Variants in AKAP12 observed in about 807,000 individuals in gnomAD.
AKAP12 encodes the protein A-kinase anchoring protein 12, also known as A-kinase anchor protein 12.
In AKAP12, 32 loss-of-function variants were observed where a neutral mutation model predicts 79.9. The ratio of observed to expected loss-of-function variants is 0.40; its 90% CI spans 0.30 to 0.54. The LOEUF (loss-of-function observed/expected upper bound fraction) is 0.54. AKAP12 is among the 20% of genes least tolerant of loss of function. The pLI, the probability that AKAP12 is intolerant of heterozygous loss-of-function variation, is 0.48. For synonymous variants in AKAP12, 808 were observed against 857.0 expected, an observed-to-expected ratio of 0.94 and a Z score of 1.00; for missense variants, 2,074 against 2,177.0, an observed-to-expected ratio of 0.95 and a Z score of 0.94.
intron 2 of AKAP12, among the ~76,000 whole-genome samples, chr6:151,250,518 A>AATAC (rs1797153092): frequency 6.6e-6 from 1 of 151,728 alleles, no homozygotes; most frequent in Admixed American, 6.6e-5. Flanking sequence ...TAAATAAATA[A>AATAC]ATAAAATAAG....
intron 3 of AKAP12, among the ~76,000 whole-genome samples, chr6:151,310,936 A>G (rs1205327719): frequency 6.6e-6 from 1 of 152,178 alleles, no homozygotes; most frequent in African/African-American, 2.4e-5. Flanking sequence ...TGTTTCTGTG[A>G]GCAAACAGAC....
intron 3 of AKAP12, 92 bp downstream of exon 3, chr6:151,305,995 G>T: frequency 2.2e-6 from 3 of 1,362,788 alleles, no homozygotes; most frequent in Non-Finnish European, 3.0e-6. Flanking sequence ...GCCTGGTGGT[G>T]GATTGGTGTT....
chr6:151,248,333 A>C (rs1329224220), intron 2 of AKAP12, among the ~76,000 whole-genome samples: 1 of 148,142 alleles, frequency 6.8e-6, no homozygotes, highest in Non-Finnish European at 1.5e-5. Flanking sequence ...GAACTCCCGG[A>C]CTCAGGCCAT....
chr6:151,247,492 C>T (rs893985784), intron 2 of AKAP12, among the ~76,000 whole-genome samples: 35 of 152,196 alleles, frequency 2.3e-4, no homozygotes, highest in South Asian at 2.1e-4. Flanking sequence ...AGAATAAAAA[C>T]GCAGCTGAGG....
intron 2 of AKAP12, among the ~76,000 whole-genome samples, chr6:151,282,615 C>T (rs560243670): frequency 1.7e-4 from 26 of 152,086 alleles, no homozygotes; most frequent in Non-Finnish European, 3.2e-4. Context: ...TTGGTTGCTG[C>T]GGGGGAAGGA....
intron 2 of AKAP12, among the ~76,000 whole-genome samples, chr6:151,284,209 T>C (rs9397385): frequency 0.46 from 69,667 of 152,006 alleles, 17,032 homozygotes; most frequent in East Asian, 0.78. Context: ...CACAGATCAG[T>C]GTCACACATC....
chr6:151,339,240 GA>G (rs1412581147), intron 3 of AKAP12, among the ~76,000 whole-genome samples: 1 of 152,138 alleles, frequency 6.6e-6, no homozygotes, highest in African/African-American at 2.4e-5. Flanking sequence ...ATGATTTATG[GA>G]AAATAAGAAT....
intron 3 of AKAP12, among the ~76,000 whole-genome samples, chr6:151,308,830 C>A (rs1562731765): frequency 6.6e-6 from 1 of 152,118 alleles, no homozygotes. Flanking sequence ...TATTAAACAG[C>A]ATTTTTCCGT....
chr6:151,258,824 C>T (rs1266132036), intron 2 of AKAP12, among the ~76,000 whole-genome samples: 1 of 151,592 alleles, frequency 6.6e-6, no homozygotes, highest in Admixed American at 6.6e-5. Flanking sequence ...GACAGGGTTT[C>T]ACCATGTTAG....
chr6:151,324,360 A>T, intron 3 of AKAP12: 1 of 985,410 alleles, frequency 1.0e-6, no homozygotes, highest in Non-Finnish European at 1.2e-6. Flanking sequence ...TCTGGTTACC[A>T]GCAAGGAAGC....
chr6:151,290,939 C>A (rs1368144165), intron 2 of AKAP12, among the ~76,000 whole-genome samples: 1 of 152,164 alleles, frequency 6.6e-6, no homozygotes, highest in East Asian at 1.9e-4. Flanking sequence ...CTCACCCTCT[C>A]CCCTACTAAA....
intron 2 of AKAP12, among the ~76,000 whole-genome samples, chr6:151,274,095 A>G (rs543880933): frequency 6.7e-6 from 1 of 148,548 alleles, no homozygotes; most frequent in African/African-American, 2.5e-5. Context: ...TTTTTGAGAC[A>G]GGATCTTGCT....
In AKAP12 at chr6:151,350,664, C is replaced by G. The variant is rs770803052; in HGVS notation, c.2273C>G (p.Thr758Ser). Residue 758 changes from threonine to serine, a missense_variant, in exon 4 of 5, where the codon ACC becomes AGC. Around this residue, in one of 3 missense-constraint regions of AKAP12, gnomAD observed 1,428 missense variants for 1,451.0 expected, o/e 0.98. Transcript: ENST00000402676. The surrounding 1 kb of genome is among the most constrained non-coding windows in gnomAD (Gnocchi z 4.8). ...GSPTEGEGVS[T>S]WESFKRLVTP... The stretch of plus-strand genomic sequence containing the variant: ...CCTACCGAAGGGGAGGGCGTTTCCA[C>G]CTGGGAGTCATTTAAAAGGTTAGTC... 3 of 1,613,886 alleles carry G rather than the reference C, an allele frequency of 1.9e-6. No individual in the cohort carries two copies. Among genetic ancestry groups the G allele is most frequent in the Admixed American group, 3.3e-5 (2 of 59,960 alleles).
chr6:151,257,451 C>G (rs953994876), intron 2 of AKAP12, among the ~76,000 whole-genome samples: 1 of 152,144 alleles, frequency 6.6e-6, no homozygotes, highest in Non-Finnish European at 1.5e-5. Context: ...TGTGCACCAC[C>G]ACGCCTGGCT....
chr6:151,293,077 T>C (rs188323986), intron 2 of AKAP12, among the ~76,000 whole-genome samples: 49 of 152,364 alleles, frequency 3.2e-4, no homozygotes, highest in Non-Finnish European at 1.5e-5. Flanking sequence ...TCTGTTGAAA[T>C]TGTTTATCTC....
chr6:151,261,701 A>G (rs940394169), intron 2 of AKAP12, among the ~76,000 whole-genome samples: 1 of 151,546 alleles, frequency 6.6e-6, no homozygotes, highest in African/African-American at 2.4e-5. Flanking sequence ...CTCCATCTCA[A>G]AAACAAACAA....
Position 151,244,941 on chromosome 6 carries a change from T to A in AKAP12, c.162+4217T>A, listed in dbSNP as rs77389820. 4.5e-3 allele frequency among the ~76,000 whole-genome samples: 693 copies of A among 152,338 alleles called. 11 individuals carry two copies. Among genetic ancestry groups the A allele is most frequent in the East Asian group, 0.031 (163 of 5,178 alleles). Reference sequence around the variant, plus strand: ...ATGAATAAGATAAGTGGAGATTTTCTCTTGAAATATTTCCTTCTATGAAGA... The same window carrying A: ...ATGAATAAGATAAGTGGAGATTTTCACTTGAAATATTTCCTTCTATGAAGA... On this transcript the variant is annotated intron_variant, in intron 2 of 4. Coordinates refer to ENST00000402676, the MANE Select transcript of AKAP12 (RefSeq NM_005100.4).
intron 2 of AKAP12, among the ~76,000 whole-genome samples, chr6:151,282,130 C>T (rs1408358406): frequency 6.6e-6 from 1 of 152,018 alleles, no homozygotes; most frequent in African/African-American, 2.4e-5. Context: ...GTCGCCCAGG[C>T]TGGAATGCAG....
intron 3 of AKAP12, among the ~76,000 whole-genome samples, chr6:151,312,793 CAAAAAAA>C (rs55685824): frequency 6.8e-5 from 5 of 72,998 alleles, no homozygotes; most frequent in African/African-American, 1.7e-4. Context: ...ACTCTGTCTC[CAAAAAAA>C]AAAAAAAAAA....
Sources: gnomAD v4.1 joint callset for allele counts (sites outside exome capture counted in the v4.1 genomes callset) on GRCh38, gnomAD v4.1.1 for gene constraint, gnomAD v4.1.1 regional missense constraint, Gnocchi (gnomAD v3.1) non-coding constraint, MANE v1.5 for transcripts, NCBI Gene and HGNC (gene_info 2026-07-23, HGNC 2026-07-21) for gene names.